Variants in RIMS1 observed in about 807,000 individuals in gnomAD.
RIMS1 encodes the protein regulating synaptic membrane exocytosis 1.
Under a neutral mutation model 214.1 loss-of-function variants are expected in RIMS1, and 83 were observed. The observed-to-expected ratio is 0.39, with a 90% CI of 0.32 to 0.47. RIMS1 has a LOEUF of 0.47. RIMS1 is among the 20% of genes least tolerant of loss of function. The probability of loss-of-function intolerance (pLI) is 0.99; values close to 1 mark genes in which losing one functional copy is unlikely to be tolerated. For synonymous variants in RIMS1, 793 were observed against 786.8 expected (o/e 1.01, Z -0.13); for missense variants, 2,050 against 2,161.8 (o/e 0.95, Z 1.03).
intron 19 of RIMS1, chr6:72,263,890 G>A (rs1384854727): frequency 5.7e-6 from 2 of 351,042 alleles, no homozygotes; most frequent in East Asian, 3.3e-4. Flanking sequence ...CTACTTGGGA[G>A]GCTGAGAGAG....
In RIMS1 at chr6:72,065,043, T is replaced by C. The variant is rs551149697; in HGVS notation, c.246-31906T>C. ...TTTGAAGTCCTGTTTAAAATATCTG[T>C]TTATGTTGTTAATCTAAATTATGGT... On this transcript the variant is annotated intron_variant, in intron 2 of 33. Transcript: ENST00000521978. Among the ~76,000 whole-genome samples, 7 of 152,368 alleles carry C rather than the reference T, an allele frequency of 4.6e-5. No homozygotes were observed. The East Asian group carries it at 1.3e-3, about 29-fold the overall frequency.
chr6:72,207,857 G>T (rs1228363411), intron 6 of RIMS1, among the ~76,000 whole-genome samples: 1 of 152,108 alleles, frequency 6.6e-6, no homozygotes, highest in Non-Finnish European at 1.5e-5. Context: ...TTAAGGCATA[G>T]TGGAGTTTGT....
chr6:72,013,364 T>G (rs1007503235), intron 2 of RIMS1, among the ~76,000 whole-genome samples: 4 of 152,220 alleles, frequency 2.6e-5, no homozygotes, highest in African/African-American at 9.6e-5. Flanking sequence ...TTCTGACCTT[T>G]TATTCACCAA....
chr6:72,390,151 A>G (rs545551403), intron 29 of RIMS1, among the ~76,000 whole-genome samples: 1 of 152,296 alleles, frequency 6.6e-6, no homozygotes, highest in Non-Finnish European at 1.5e-5. Context: ...AAACTGTGGT[A>G]TTTTTCAAAC....
intron 6 of RIMS1, among the ~76,000 whole-genome samples, chr6:72,225,191 G>A (rs1404295699): frequency 1.3e-5 from 2 of 151,630 alleles, no homozygotes; most frequent in Non-Finnish European, 2.9e-5. Flanking sequence ...GTCAAAACTT[G>A]TTTATATTAC....
intron 29 of RIMS1, among the ~76,000 whole-genome samples, chr6:72,356,414 ACAG>A (rs2097647038): frequency 6.6e-6 from 1 of 152,282 alleles, no homozygotes; most frequent in African/African-American, 2.4e-5. Context: ...ATAGCCTCAA[ACAG>A]CAGCTAAAAG....
chr6:72,303,760 T>A (rs2094874692), intron 26 of RIMS1, among the ~76,000 whole-genome samples: 1 of 151,536 alleles, frequency 6.6e-6, no homozygotes, highest in African/African-American at 2.4e-5. Flanking sequence ...ATAAATACAT[T>A]TTTGTAAACT....
intron 28 of RIMS1, among the ~76,000 whole-genome samples, chr6:72,325,459 A>G (rs578257404): frequency 1.3e-4 from 20 of 151,030 alleles, no homozygotes; most frequent in Middle Eastern, 3.4e-3. Context: ...ATAAATATAT[A>G]TATATAATAA....
Position 72,159,991 on chromosome 6 carries a change from T to A in RIMS1, c.472-19584T>A, listed in dbSNP as rs1335751549. Among the ~76,000 whole-genome samples the A allele has an allele frequency of 8.8e-5, 12 of 136,670 alleles. 1 individual carries two copies. The highest frequency in any genetic ancestry group is 3.0e-4 in the African/African-American group (12 of 39,942). The allele number at this position is 136,670 out of a possible 152,430, so 89.7% of individuals were successfully genotyped here. A position where few individuals can be genotyped will look rare whatever the true frequency, so the allele number is the denominator to read the frequency against. On this transcript the variant is annotated intron_variant, in intron 4 of 33. Coordinates refer to ENST00000521978, the MANE Select transcript of RIMS1 (RefSeq NM_014989.7). ...TAAATTACCTTGGGCAGCAAGGCCA[T>A]TTTCACGATATTGATTCTTCCTACC... is the stretch of plus-strand genomic sequence containing the variant.
chr6:72,200,309 A>G (rs552183657), intron 6 of RIMS1, among the ~76,000 whole-genome samples: 1 of 152,266 alleles, frequency 6.6e-6, no homozygotes, highest in East Asian at 1.9e-4. Context: ...TATATTGCTT[A>G]GAGCATAGTC....
chr6:72,158,120 T>G (rs2044694190), intron 4 of RIMS1, among the ~76,000 whole-genome samples: 1 of 141,074 alleles, frequency 7.1e-6, no homozygotes, highest in Admixed American at 7.3e-5. Flanking sequence ...TTCTTTCCTG[T>G]ATTTTTATTT....
At position 72,260,746 on chromosome 6, in the gene RIMS1, C is replaced by T; in HGVS notation, c.3095C>T (p.Ala1032Val). 1.2e-6 allele frequency: 2 copies of T among 1,612,222 alleles called. 1 individual carries two copies. The highest frequency in any genetic ancestry group is 2.2e-5 in the South Asian group (2 of 90,940). ...CCCAGAGCAAAACGAGGACGAAGTG[C>T]AGAATGCCTACATACTACCAGGTAA... Reference protein sequence around the residue: ...MLPRAKRGRSAECLHTTRHLV... With the variant: ...MLPRAKRGRSVECLHTTRHLV... The change falls in exon 19 of 34, where the codon GCA becomes GTA. Residue 1032 changes from alanine (A) to valine (V), a missense_variant. Physicochemically the swap from Ala to Val is moderately conservative, Grantham distance 64 (BLOSUM62 0). This residue lies in a region of RIMS1 where 889 missense variants were observed against 885.5 expected (regional missense o/e 1.00). Coordinates refer to ENST00000521978, the MANE Select transcript of RIMS1 (RefSeq NM_014989.7).
intron 6 of RIMS1, among the ~76,000 whole-genome samples, chr6:72,196,233 T>C (rs2050842584): frequency 6.6e-6 from 1 of 152,180 alleles, no homozygotes; most frequent in Non-Finnish European, 1.5e-5. Context: ...TTGGCTATTA[T>C]TTATTCATGT....
chr6:72,275,739 A>G (rs965440069), intron 23 of RIMS1, among the ~76,000 whole-genome samples: 2 of 152,222 alleles, frequency 1.3e-5, no homozygotes, highest in African/African-American at 4.8e-5. Context: ...CTCAAAAAAG[A>G]ATATAAAATA....
At chr6:71,997,360 G>T (rs1803771783) in intron 2 of RIMS1, among the ~76,000 whole-genome samples, 1 of 152,056 alleles carries the variant, frequency 6.6e-6, no homozygotes, top group Non-Finnish European at 1.5e-5. Context: ...CAAAATTCCT[G>T]GTTATAGAAA....
chr6:72,121,050 CTGTAGCCT>C, intron 4 of RIMS1, among the ~76,000 whole-genome samples: 1 of 152,016 alleles, frequency 6.6e-6, no homozygotes, highest in East Asian at 1.9e-4. Context: ...GTTTTGGTTA[CTGTAGCCT>C]TGTAGTATAG....
At chr6:72,307,616 G>A (rs540316095) in intron 27 of RIMS1, among the ~76,000 whole-genome samples, 10 of 146,714 alleles carry the variant, frequency 6.8e-5, no homozygotes, top group South Asian at 6.3e-4. Flanking sequence ...TTAGCCGGGC[G>A]TGCGCCTGTA....
At chr6:72,101,784 C>T (rs2033644580) in intron 4 of RIMS1, among the ~76,000 whole-genome samples, 1 of 151,760 alleles carries the variant, frequency 6.6e-6, no homozygotes, top group South Asian at 2.1e-4. Flanking sequence ...TTAAGCCCGG[C>T]AAAATTATTG....
At chr6:72,284,214 A>G in intron 24 of RIMS1, 96 bp downstream of exon 24, 1 of 1,017,044 alleles carries the variant, frequency 9.8e-7, no homozygotes, top group Non-Finnish European at 1.5e-6. Context: ...TCTTAAACAC[A>G]AATTGTGATG....
Sources: allele counts gnomAD v4.1 joint callset (sites outside exome capture counted in the v4.1 genomes callset), GRCh38; gene constraint gnomAD v4.1.1; regional missense constraint gnomAD v4.1.1; transcripts MANE v1.5; gene names NCBI Gene and HGNC (gene_info 2026-07-23, HGNC 2026-07-21).